FRMD4B: variants seen among roughly 807,000 people sequenced by gnomAD.
The protein encoded by FRMD4B is FERM domain-containing protein 4B.
FRMD4B carries 74 observed loss-of-function variants against 141.5 expected under a neutral mutation model. That is an observed-to-expected ratio of 0.52 (90% CI 0.43 to 0.63). The LOEUF is 0.63. Ranked by LOEUF, FRMD4B falls within the 30% of genes least tolerant of loss-of-function variation. FRMD4B has a pLI of 0.00. For missense variants in FRMD4B, 1,366 were observed against 1,253.4 expected, an observed-to-expected ratio of 1.09 and a Z score of -1.36; for synonymous variants, 506 against 467.9, an observed-to-expected ratio of 1.08 and a Z score of -1.05.
chr3:69,273,330 C>A (rs1463767881), intron 5 of FRMD4B, among the ~76,000 whole-genome samples: 1 of 152,204 alleles, frequency 6.6e-6, no homozygotes, highest in Non-Finnish European at 1.5e-5. Context: ...TTGCAGCTGA[C>A]TTTACAGTGA....
chr3:69,352,962 C>T (rs916922524), intron 1 of FRMD4B, among the ~76,000 whole-genome samples: 2 of 152,236 alleles, frequency 1.3e-5, no homozygotes, highest in South Asian at 2.1e-4. Flanking sequence ...GGGAAGGCCC[C>T]AAACACATCT....
chr3:69,398,259 T>A (rs553243592), intron 2 of FRMD4B, among the ~76,000 whole-genome samples: 55 of 152,320 alleles, frequency 3.6e-4, no homozygotes, highest in Admixed American at 3.1e-3. Flanking sequence ...TTCTTTATTC[T>A]TTTGTTTTAT....
intron 3 of FRMD4B, among the ~76,000 whole-genome samples, chr3:69,307,840 A>G (rs927579986): frequency 1.3e-5 from 2 of 151,992 alleles, no homozygotes; most frequent in African/African-American, 4.8e-5. Context: ...TCCTCCCTAT[A>G]ACATCCTTCC....
chr3:69,436,989 T>C (rs1440097995), intron 1 of FRMD4B, among the ~76,000 whole-genome samples: 1 of 152,058 alleles, frequency 6.6e-6, no homozygotes, highest in Non-Finnish European at 1.5e-5. Flanking sequence ...TACTGGGGAA[T>C]GGGAAGTTAT....
chr3:69,218,494 T>C (rs1233179838), intron 9 of FRMD4B, 115 bp from the exon 10 acceptor site: 2 of 574,806 alleles, frequency 3.5e-6, no homozygotes, highest in Non-Finnish European at 6.2e-6. Context: ...GAATAATTAA[T>C]ATGTTTCACT....
intron 1 of FRMD4B, 95 bp downstream of exon 1, chr3:69,385,733 G>A: frequency 9.0e-7 from 1 of 1,106,990 alleles, no homozygotes; most frequent in South Asian, 1.8e-5. Context: ...AGTTTAAGAA[G>A]AGCTGGGGGG....
chr3:69,472,532 T>A (rs1267367894), intron 1 of FRMD4B: 2 of 269,040 alleles, frequency 7.4e-6, no homozygotes, highest in Non-Finnish European at 1.5e-5. Flanking sequence ...CTGATGCCCT[T>A]TGGATGTTTC....
chr3:69,472,952 T>TG (rs1705921692), intron 1 of FRMD4B, among the ~76,000 whole-genome samples: 2 of 148,404 alleles, frequency 1.3e-5, no homozygotes, highest in African/African-American at 5.1e-5. Flanking sequence ...TTTTTTTTTT[T>TG]TGGCTTAGGG....
intron 1 of FRMD4B, among the ~76,000 whole-genome samples, chr3:69,326,282 C>G (rs547313080): frequency 5.3e-5 from 8 of 152,222 alleles, no homozygotes; most frequent in African/African-American, 1.9e-4. Flanking sequence ...AGACACTAAG[C>G]TGTCATGTTT....
chr3:69,251,283 T>C (rs1049264668), intron 5 of FRMD4B, among the ~76,000 whole-genome samples: 1 of 152,154 alleles, frequency 6.6e-6, no homozygotes, highest in Non-Finnish European at 1.5e-5. Context: ...ACCTCTTGAA[T>C]CTGAGCTGGA....
At chr3:69,404,344 A>G (rs1704617712) in intron 2 of FRMD4B, among the ~76,000 whole-genome samples, 1 of 152,224 alleles carries the variant, frequency 6.6e-6, no homozygotes, top group South Asian at 2.1e-4. Flanking sequence ...TCTGATCCAG[A>G]GGATTCTTTC....
chr3:69,464,004 A>C (rs1297925864), intron 1 of FRMD4B, among the ~76,000 whole-genome samples: 1 of 152,170 alleles, frequency 6.6e-6, no homozygotes, highest in Non-Finnish European at 1.5e-5. Flanking sequence ...GTAAACTGTG[A>C]ATAAGTGAAG....
chr3:69,440,519 A>G (rs984297687), intron 1 of FRMD4B, among the ~76,000 whole-genome samples: 4 of 152,236 alleles, frequency 2.6e-5, no homozygotes, highest in Non-Finnish European at 5.9e-5. Flanking sequence ...AAATTCTTGA[A>G]TGTGGCTGGG....
intron 7 of FRMD4B, among the ~76,000 whole-genome samples, chr3:69,242,523 T>TG (rs2093393223): frequency 9.0e-6 from 1 of 111,480 alleles, no homozygotes; most frequent in African/African-American, 3.6e-5. Flanking sequence ...TTTTTTTTTT[T>TG]GTAGCACAGC....
At chr3:69,375,484 G>GAAA (rs11389808) in intron 1 of FRMD4B, among the ~76,000 whole-genome samples, 22 of 152,056 alleles carry the variant, frequency 1.4e-4, no homozygotes, top group East Asian at 3.9e-4. Flanking sequence ...TTTTACAGCA[G>GAAA]AAAAAAATAG....
intron 1 of FRMD4B, among the ~76,000 whole-genome samples, chr3:69,456,191 G>A (rs1011545312): frequency 6.6e-6 from 1 of 151,706 alleles, no homozygotes; most frequent in Non-Finnish European, 1.5e-5. Context: ...TCACAGCCAA[G>A]GTGTATGACA....
intron 7 of FRMD4B, among the ~76,000 whole-genome samples, chr3:69,231,556 G>A (rs2093305963): frequency 6.6e-6 from 1 of 152,236 alleles, no homozygotes; most frequent in Non-Finnish European, 1.5e-5. Flanking sequence ...CCAAAGTGCT[G>A]GGATTACAGG....
At chr3:69,257,515 A>G (rs1025571959) in intron 5 of FRMD4B, among the ~76,000 whole-genome samples, 3 of 152,204 alleles carry the variant, frequency 2.0e-5, no homozygotes, top group African/African-American at 7.2e-5. Flanking sequence ...TTGAATTATA[A>G]ATTTGTGGGC....
chr3:69,277,336 C>G (rs543119230), intron 5 of FRMD4B, among the ~76,000 whole-genome samples: 1 of 152,146 alleles, frequency 6.6e-6, no homozygotes, highest in South Asian at 2.1e-4. Flanking sequence ...GTACTCAGGT[C>G]AGTATCTCTT....
Sources: gnomAD v4.1 joint callset for allele counts (sites outside exome capture counted in the v4.1 genomes callset) on GRCh38, gnomAD v4.1.1 for gene constraint, MANE v1.5 for transcripts, NCBI Gene and HGNC (gene_info 2026-07-23, HGNC 2026-07-21) for gene names.